The following AMH variants were observed in gnomAD, a reference collection of about 807,000 sequenced individuals.
AMH encodes the protein anti-Mullerian hormone.
A neutral mutation model predicts 33.3 loss-of-function variants in AMH; 39 were observed. That is an observed-to-expected ratio of 1.17 (90% CI 0.91 to 1.53). AMH has a LOEUF of 1.53. AMH is among the 40% of genes most tolerant of loss of function. The pLI is 0.00. For missense variants in AMH, 1,019 were observed against 799.8 expected (o/e 1.27, Z -3.30); for synonymous variants, 536 against 403.0 (o/e 1.33, Z -3.95).
intron 1 of AMH, 82 bp from the exon 2 acceptor site, chr19:2,250,255 A>G (rs890262197): frequency 3.3e-6 from 5 of 1,537,144 alleles, no homozygotes; most frequent in Middle Eastern, 2.2e-4. Flanking sequence ...CACAGTGGCC[A>G]GAGCGGCAGG....
At chr19:2,250,176 C>A in intron 1 of AMH, 161 bp from the exon 2 acceptor site, 2 of 1,229,564 alleles carry the variant, frequency 1.6e-6, no homozygotes, top group Non-Finnish European at 2.3e-6. Flanking sequence ...CTGCCCCTGC[C>A]GTCACCGCTC....
chr19:2,249,346 C>T lies in AMH; in HGVS notation c.14C>T (p.Pro5Leu), dbSNP rs764523289. Residue 5 changes from proline (P) to leucine (L), a missense_variant, in exon 1 of 5, where the codon CCT becomes CTT. Coordinates refer to ENST00000221496, the MANE Select transcript of AMH (RefSeq NM_000479.5). ...GCAGCACCCACGATGCGGGACCTGC[C>T]TCTCACCAGCCTGGCCCTAGTGCTG... MRDLPLTSLALVLSA... is the reference protein window; with the variant it reads MRDLLLTSLALVLSA... 4.0e-5 allele frequency: 63 copies of T among 1,574,208 alleles called. No homozygotes were observed. Among genetic ancestry groups the T allele is most frequent in the Non-Finnish European group, 5.2e-5 (60 of 1,161,628 alleles).
In AMH at chr19:2,249,439, G is replaced by A. The variant is rs746313611; in HGVS notation, c.107G>A (p.Gly36Asp). 2.5e-6 allele frequency: 4 copies of A among 1,602,904 alleles called. No individual in the cohort carries two copies. Among genetic ancestry groups the A allele is most frequent in the Non-Finnish European group, 2.6e-6 (3 of 1,175,536 alleles). Residue 36 changes from glycine to aspartate, a missense_variant, in exon 1 of 5, where the codon GGC (glycine) becomes GAC (aspartate). Coordinates refer to ENST00000221496, the MANE Select transcript of AMH (RefSeq NM_000479.5). ...RAEEPAVGTS[G>D]LIFREDLDWP... ...GAGGAGCCAGCTGTGGGCACCAGTGGCCTCATCTTCCGAGAAGACTTGGAC... is the reference window on the plus strand; with the variant it reads ...GAGGAGCCAGCTGTGGGCACCAGTGACCTCATCTTCCGAGAAGACTTGGAC...
rs375971454 is a variant in AMH, at chr19:2,251,377, C to A, written c.1103C>A (p.Ser368Ter). Reference sequence around the variant, plus strand: ...CCTGCGCCCCTGCACGACCCCACGTCGGCGCCGTGGGCCACGGCCCTGGCG... The same window carrying A: ...CCTGCGCCCCTGCACGACCCCACGTAGGCGCCGTGGGCCACGGCCCTGGCG... ...GDPAPLHDPTSAPWATALARR... is the reference protein window; with the variant it reads ...GDPAPLHDPT The change falls in exon 5 of 5, where the codon TCG (serine) becomes TAG (stop). Residue 368 changes from serine (S) to a stop codon, truncating the protein, a stop_gained. Transcript: ENST00000221496. LOFTEE classifies it low-confidence loss of function (END_TRUNC). 2 of 1,471,512 alleles carry A rather than the reference C, an allele frequency of 1.4e-6. No individual in the cohort carries two copies. The highest frequency in any genetic ancestry group is 2.9e-5 in the East Asian group (1 of 34,126). 91.2% of individuals were successfully genotyped at this position (1,471,512 alleles called of 1,614,324 possible). A position where few individuals can be genotyped will look rare whatever the true frequency, so the allele number is the denominator to read the frequency against.
chr19:2,249,739 A>AG lies in AMH; in HGVS notation c.409dup (p.Glu137GlyfsTer37), dbSNP rs1183440140. 1 of 1,503,096 alleles carries AG rather than the reference A, an allele frequency of 6.7e-7. No individual in the cohort carries two copies. The highest frequency in any genetic ancestry group is 8.8e-7 in the Non-Finnish European group (1 of 1,131,124). The allele number at this position is 1,503,096 out of a possible 1,614,324, so 93.1% of individuals were successfully genotyped here. On this transcript the variant is annotated frameshift_variant, in exon 1 of 5. Coordinates refer to ENST00000221496, the MANE Select transcript of AMH (RefSeq NM_000479.5). LOFTEE classifies it high-confidence loss of function. ...CAGCGCCTGGTGGTCCTACACCTGG[A>AG]GGAAGGTATGTGGGGCCCAGCCCCA...
In AMH at chr19:2,250,663, C is replaced by T. The variant is rs1392165928; in HGVS notation, c.567C>T (p.Pro189=). 2 of 1,539,504 alleles carry T rather than the reference C, an allele frequency of 1.3e-6. No homozygotes were observed. The highest frequency in any genetic ancestry group is 1.7e-6 in the Non-Finnish European group (2 of 1,147,092). The change falls in exon 3 of 5, where the codon CCC becomes CCT. Residue 189 remains proline, a synonymous_variant. Transcript: ENST00000221496. ...CCTGGTCTCCGCAGAGCCTCTGCCC[C>T]TCCCGAGACACCCGCTACCTGGTGT... ...AGLPGAQSLC[P]SRDTRYLVLA... is the part of the protein sequence containing the mutation.
Position 2,251,850 on chromosome 19 carries a change from T to TGCGTGCCCACCGCCTACG in AMH, c.1577_1594dup (p.Tyr531_Ala532insGlyValProThrAlaTyr). ...GGCCGCCCTGGCGCGCCCACCCTGC[T>TGCGTGCCCACCGCCTACG]GCGTGCCCACCGCCTACGCGGGCAA... On this transcript the variant is annotated inframe_insertion, in exon 5 of 5. Transcript: ENST00000221496. The TGCGTGCCCACCGCCTACG allele has an allele frequency of 6.3e-7, 1 of 1,595,324 alleles. No homozygotes were observed. The highest frequency in any genetic ancestry group is 8.5e-7 in the Non-Finnish European group (1 of 1,176,308).
chr19:2,250,944 C>G lies in AMH; in HGVS notation c.760C>G (p.Arg254Gly), dbSNP rs1461659234. 8.4e-6 allele frequency: 13 copies of G among 1,538,474 alleles called. No individual in the cohort carries two copies. The highest frequency in any genetic ancestry group is 1.1e-5 in the Non-Finnish European group (13 of 1,150,668). The change falls in exon 4 of 5, where the codon CGG (arginine) becomes GGG (glycine). Residue 254 changes from arginine (R) to glycine (G), a missense_variant. Coordinates refer to ENST00000221496, the MANE Select transcript of AMH (RefSeq NM_000479.5). Reference protein sequence around the residue: ...RMTPALLLLPRSEPAPLPAHG... With the variant: ...RMTPALLLLPGSEPAPLPAHG... Reference sequence around the variant, plus strand: ...GACCCCGGCCCTGCTCCTGCTGCCGCGGTCCGAGCCCGCGCCGCTGCCTGC... The same window carrying G: ...GACCCCGGCCCTGCTCCTGCTGCCGGGGTCCGAGCCCGCGCCGCTGCCTGC...
chr19:2,251,434 C>A lies in AMH; in HGVS notation c.1160C>A (p.Ala387Asp). 1 of 1,438,890 alleles carries A rather than the reference C, an allele frequency of 6.9e-7. No individual in the cohort carries two copies. Among genetic ancestry groups the A allele is most frequent in the Admixed American group, 2.7e-5 (1 of 36,598 alleles). The allele number at this position is 1,438,890 out of a possible 1,614,324, so 89.1% of individuals were successfully genotyped here. Residue 387 changes from alanine (A) to aspartate (D), a missense_variant, in exon 5 of 5, where the codon GCT (alanine) becomes GAT (aspartate). Ala to Asp is a moderately radical substitution (Grantham distance 126). Transcript: ENST00000221496. ...GTGGCTGCTGAACTGCAAGCGGCGG[C>A]TGCCGAGCTGCGAAGCCTCCCGGGT... ...RRVAAELQAA[A>D]AELRSLPGLP...
At chr19:2,250,232 T>C (rs780396199) in intron 1 of AMH, 105 bp from the exon 2 acceptor site, 624 of 1,517,736 alleles carry the variant, frequency 4.1e-4, no homozygotes, top group Non-Finnish European at 5.2e-4. Flanking sequence ...TGTCCCCCGC[T>C]TGAGGTCCCC....
In AMH at chr19:2,251,268, G is replaced by A; in HGVS notation, c.994G>A (p.Asp332Asn). The change falls in exon 5 of 5, where the codon GAC becomes AAC. Residue 332 changes from aspartate to asparagine, a missense_variant. Coordinates refer to ENST00000221496, the MANE Select transcript of AMH (RefSeq NM_000479.5). ...GFPQGLVNLS[D>N]PAALERLLDG... ...CCCGCAGGGCCTAGTCAACCTGTCG[G>A]ACCCCGCGGCGCTGGAGCGCCTACT... 6.6e-7 allele frequency: 1 copy of A among 1,505,372 alleles called. No homozygotes were observed. Among genetic ancestry groups the A allele is most frequent in the Non-Finnish European group, 8.8e-7 (1 of 1,134,956 alleles). The allele number at this position is 1,505,372 out of a possible 1,614,324, so 93.3% of individuals were successfully genotyped here.
At position 2,249,638 on chromosome 19, in the gene AMH, C is replaced by G. The variant is rs2024993609; in HGVS notation, c.306C>G (p.Val102=). Residue 102 remains valine, a synonymous_variant, in exon 1 of 5, where the codon GTC becomes GTG. Transcript: ENST00000221496. Reference sequence around the variant, plus strand: ...CCCGAGACCTGGCCACCTTCGGGGTCTGCAACACCGGTGACAGGCAGGCTG... The same window carrying G: ...CCCGAGACCTGGCCACCTTCGGGGTGTGCAACACCGGTGACAGGCAGGCTG... ...WGPRDLATFG[V]CNTGDRQAAL... is the part of the protein sequence containing the mutation. 1.3e-6 allele frequency: 2 copies of G among 1,522,192 alleles called. No homozygotes were observed. The highest frequency in any genetic ancestry group is 1.8e-6 in the Non-Finnish European group (2 of 1,137,680). 94.3% of individuals were successfully genotyped at this position (1,522,192 alleles called of 1,614,324 possible).
chr19:2,250,907 C>T lies in AMH; in HGVS notation c.723C>T (p.Cys241=). The part of the protein sequence containing the change: ...QALLFGDDHR[C]FTRMTPALLL... ...TGCTGTTCGGCGACGACCACCGCTG[C>T]TTCACACGGATGACCCCGGCCCTGC... Residue 241 remains cysteine, a synonymous_variant, in exon 4 of 5, where the codon TGC becomes TGT. Transcript: ENST00000221496. The T allele has an allele frequency of 6.4e-7, 1 of 1,571,224 alleles. No individual in the cohort carries two copies. Among genetic ancestry groups the T allele is most frequent in the Non-Finnish European group, 8.6e-7 (1 of 1,167,218 alleles).
Position 2,251,441 on chromosome 19 carries a change from G to C in AMH, c.1167G>C (p.Glu389Asp). Reference sequence around the variant, plus strand: ...CTGAACTGCAAGCGGCGGCTGCCGAGCTGCGAAGCCTCCCGGGTCTGCCTC... The same window carrying C: ...CTGAACTGCAAGCGGCGGCTGCCGACCTGCGAAGCCTCCCGGGTCTGCCTC... ...VAAELQAAAA[E>D]LRSLPGLPPA... Residue 389 changes from glutamate (E) to aspartate (D), a missense_variant, in exon 5 of 5, where the codon GAG becomes GAC. Transcript: ENST00000221496. 7.0e-7 allele frequency: 1 copy of C among 1,438,510 alleles called. No homozygotes were observed. The highest frequency in any genetic ancestry group is 1.4e-5 in the South Asian group (1 of 72,746). The allele number at this position is 1,438,510 out of a possible 1,614,324, so 89.1% of individuals were successfully genotyped here.
Position 2,251,880 on chromosome 19 carries a change from CTCA to C in AMH, c.1610_1612del (p.Ile537del). ...GCCCACCGCCTACGCGGGCAAGCTG[CTCA>C]TCAGCCTGTCGGAGGAGCGCATCAG... On this transcript the variant is annotated inframe_deletion, in exon 5 of 5. Coordinates refer to ENST00000221496, the MANE Select transcript of AMH (RefSeq NM_000479.5). The C allele has an allele frequency of 6.3e-7, 1 of 1,583,496 alleles. No individual in the cohort carries two copies. Among genetic ancestry groups the C allele is most frequent in the East Asian group, 2.3e-5 (1 of 43,720 alleles).
chr19:2,249,685 T>C lies in AMH; in HGVS notation c.353T>C (p.Leu118Pro). 1 of 1,502,492 alleles carries C rather than the reference T, an allele frequency of 6.7e-7. No individual in the cohort carries two copies. Among genetic ancestry groups the C allele is most frequent in the Non-Finnish European group, 8.8e-7 (1 of 1,130,458 alleles). 93.1% of individuals were successfully genotyped at this position (1,502,492 alleles called of 1,614,324 possible). Residue 118 changes from leucine (L) to proline (P), a missense_variant, in exon 1 of 5, where the codon CTG becomes CCG. Physicochemically the swap from Leu to Pro is moderately conservative, Grantham distance 98 (BLOSUM62 -3). Coordinates refer to ENST00000221496, the MANE Select transcript of AMH (RefSeq NM_000479.5). ...GCTGCCTTGCCCTCTCTACGGCGGC[T>C]GGGGGCCTGGCTGCGGGACCCTGGG... ...RQAALPSLRRLGAWLRDPGGQ... is the reference protein window; with the variant it reads ...RQAALPSLRRPGAWLRDPGGQ...
In AMH at chr19:2,251,726, G is replaced by C. The variant is rs750010661; in HGVS notation, c.1452G>C (p.Gln484His). ...CCGTACTCATCCCCGAGACCTACCA[G>C]GCCAACAATTGCCAGGGCGTGTGCG... ...ERSVLIPETY[Q>H]ANNCQGVCGW... The change falls in exon 5 of 5, where the codon CAG (glutamine) becomes CAC (histidine). Residue 484 changes from glutamine (Q) to histidine (H), a missense_variant. Physicochemically the swap from Gln to His is conservative, Grantham distance 24. Transcript: ENST00000221496. 6.2e-7 allele frequency: 1 copy of C among 1,611,732 alleles called. No homozygotes were observed. The highest frequency in any genetic ancestry group is 8.5e-7 in the Non-Finnish European group (1 of 1,179,614).
rs2024997988 is a variant in AMH at position 2,249,811 on chromosome 19, G to A, written c.412+67G>A. On this transcript the variant is annotated intron_variant, in intron 1 of 4. Coordinates refer to ENST00000221496, the MANE Select transcript of AMH (RefSeq NM_000479.5). The stretch of plus-strand genomic sequence containing the variant: ...TTCAGGTGGGCCGGGTCCTCCTAGG[G>A]AAGATCAGGGGCTGGCAGAGCCCCC... The A allele has an allele frequency of 2.8e-6, 4 of 1,429,062 alleles. No individual in the cohort carries two copies. The African/African-American group carries it at 4.3e-5, about 15-fold the overall frequency. The allele number at this position is 1,429,062 out of a possible 1,614,324, so 88.5% of individuals were successfully genotyped here.
chr19:2,249,378 C>T lies in AMH; in HGVS notation c.46C>T (p.Leu16=), dbSNP rs777482098. ...CAGCCTGGCCCTAGTGCTGTCTGCC[C>T]TGGGGGCTCTGCTGGGGACTGAGGC... is the stretch of plus-strand genomic sequence containing the variant. ...LTSLALVLSA[L]GALLGTEALR... Residue 16 remains leucine, a synonymous_variant, in exon 1 of 5, where the codon CTG becomes TTG. Coordinates refer to ENST00000221496, the MANE Select transcript of AMH (RefSeq NM_000479.5). 5.7e-6 allele frequency: 9 copies of T among 1,586,618 alleles called. No homozygotes were observed. The highest frequency in any genetic ancestry group is 4.6e-5 in the East Asian group (2 of 43,250).
Sources: gnomAD v4.1 joint callset for allele counts on GRCh38, gnomAD v4.1.1 for gene constraint, MANE v1.5 for transcripts, NCBI Gene and HGNC (gene_info 2026-07-23, HGNC 2026-07-21) for gene names.